The following CRCP variants were observed in gnomAD, a reference collection of about 807,000 sequenced individuals.
CRCP encodes the protein DNA-directed RNA polymerase III subunit RPC9.
Under a neutral mutation model 18.5 loss-of-function variants are expected in CRCP, and 18 were observed. The ratio of observed to expected loss-of-function variants is 0.97; its 90% CI spans 0.67 to 1.44. The LOEUF (loss-of-function observed/expected upper bound fraction) is 1.44. Among genes scored for constraint, CRCP ranks in the 40% most tolerant of loss-of-function variants. The pLI is 0.00. For missense variants in CRCP, 130 were observed against 176.4 expected (o/e 0.74, Z 1.49); for synonymous variants, 53 against 62.9 (o/e 0.84, Z 0.75).
intron 5 of CRCP, among the ~76,000 whole-genome samples, chr7:66,150,419 T>C (rs1007619922): frequency 1.3e-5 from 2 of 151,984 alleles, no homozygotes; most frequent in Middle Eastern, 3.4e-3. Flanking sequence ...AGCCATGGAA[T>C]CTTTAGAAAA....
At chr7:66,148,061 TA>T (rs879398924) in intron 5 of CRCP, among the ~76,000 whole-genome samples, 187 of 141,820 alleles carry the variant, frequency 1.3e-3, no homozygotes, top group Middle Eastern at 3.7e-3. Flanking sequence ...ACCTGTCTTT[TA>T]AAAAAAAAAA....
chr7:66,145,855 C>A (rs542519742), intron 5 of CRCP, among the ~76,000 whole-genome samples: 4 of 152,224 alleles, frequency 2.6e-5, no homozygotes, highest in Non-Finnish European at 5.9e-5. Flanking sequence ...TCTGTCCCCA[C>A]GCCCACCCTT....
chr7:66,135,875 C>A (rs1052412774), intron 4 of CRCP, among the ~76,000 whole-genome samples: 1 of 151,732 alleles, frequency 6.6e-6, no homozygotes, highest in Admixed American at 6.6e-5. Flanking sequence ...GAGCCAAGAT[C>A]GCGCCCTTGC....
At chr7:66,121,086 T>G (rs900160049) in intron 1 of CRCP, among the ~76,000 whole-genome samples, 10 of 151,828 alleles carry the variant, frequency 6.6e-5, no homozygotes, top group Non-Finnish European at 8.8e-5. Context: ...TTCTTCTTTT[T>G]TTTTTGAGAT....
chr7:66,122,886 T>C (rs1040252230), intron 1 of CRCP, among the ~76,000 whole-genome samples: 2 of 152,156 alleles, frequency 1.3e-5, no homozygotes, highest in Admixed American at 1.3e-4. Context: ...CTAGACAGTC[T>C]TTAAAATGCA....
intron 2 of CRCP, among the ~76,000 whole-genome samples, chr7:66,129,325 C>T (rs534742454): frequency 6.6e-6 from 1 of 151,800 alleles, no homozygotes; most frequent in African/African-American, 2.4e-5. Context: ...AGCGAGACTC[C>T]GTCTCAAAAA....
chr7:66,129,613 A>G (rs1448810345), intron 2 of CRCP, among the ~76,000 whole-genome samples: 1 of 134,594 alleles, frequency 7.4e-6, no homozygotes, highest in Non-Finnish European at 1.5e-5. Context: ...AGAGTTGGCC[A>G]TATTCTTTCC....
intron 5 of CRCP, among the ~76,000 whole-genome samples, chr7:66,150,006 CTG>C (rs1490216436): frequency 2.6e-5 from 4 of 152,032 alleles, no homozygotes; most frequent in Non-Finnish European, 5.9e-5. Context: ...CGGGGTTTCA[CTG>C]TGTTAGCCAG....
intron 2 of CRCP, among the ~76,000 whole-genome samples, chr7:66,129,495 C>A (rs574300102): frequency 6.6e-6 from 1 of 151,704 alleles, no homozygotes; most frequent in Admixed American, 6.6e-5. Flanking sequence ...GACCGTGTCC[C>A]CAAAAAAAAG....
At chr7:66,124,404 C>G (rs565143115) in intron 1 of CRCP, among the ~76,000 whole-genome samples, 3 of 152,224 alleles carry the variant, frequency 2.0e-5, no homozygotes, top group African/African-American at 4.8e-5. Flanking sequence ...TACCTGTATA[C>G]GCGTTACCTA....
intron 4 of CRCP, 162 bp downstream of exon 4, chr7:66,134,536 G>T: frequency 7.1e-6 from 3 of 425,144 alleles, no homozygotes; most frequent in Non-Finnish European, 7.9e-6. Flanking sequence ...ACTAGAGTAA[G>T]GAACAAATCT....
chr7:66,118,878 G>A (rs1197274445), intron 1 of CRCP, among the ~76,000 whole-genome samples: 1 of 152,208 alleles, frequency 6.6e-6, no homozygotes, highest in Non-Finnish European at 1.5e-5. Flanking sequence ...AGCAGTAAAG[G>A]TGAAAGACAG....
Position 66,140,036 on chromosome 7 carries a change from A to G in CRCP, c.240-5407A>G, listed in dbSNP as rs529215609. 3.3e-5 allele frequency among the ~76,000 whole-genome samples: 5 copies of G among 152,326 alleles called. No homozygotes were observed. In the South Asian group the frequency reaches 1.0e-3, roughly 32 times the overall value. The stretch of plus-strand genomic sequence containing the variant: ...GAAAGTAGAAAAGGGAAAAGGGAAA[A>G]ATGACTCTTGGGCACTCTGGACAGC... On this transcript the variant is annotated intron_variant, in intron 4 of 5. Coordinates refer to ENST00000395326, the MANE Select transcript of CRCP (RefSeq NM_014478.5).
chr7:66,120,369 C>A (rs1416021090), intron 1 of CRCP, among the ~76,000 whole-genome samples: 4 of 152,078 alleles, frequency 2.6e-5, no homozygotes, highest in Admixed American at 2.0e-4. Context: ...GTTTGAATCA[C>A]GGGGTTTTGT....
chr7:66,131,082 C>G (rs2115935103), intron 3 of CRCP, among the ~76,000 whole-genome samples: 1 of 152,278 alleles, frequency 6.6e-6, no homozygotes, highest in Non-Finnish European at 1.5e-5. Context: ...TCATGCCATT[C>G]TTCTGCCTCA....
intron 5 of CRCP, among the ~76,000 whole-genome samples, chr7:66,147,455 C>T (rs1431630984): frequency 1.3e-5 from 2 of 152,032 alleles, no homozygotes; most frequent in African/African-American, 4.8e-5. Flanking sequence ...TGGAAGGGGG[C>T]AAGTGTCCTC....
intron 4 of CRCP, among the ~76,000 whole-genome samples, chr7:66,142,973 C>T (rs1232630142): frequency 1.6e-4 from 25 of 152,174 alleles, no homozygotes; most frequent in Admixed American, 1.6e-3. Flanking sequence ...CACTTTTTGA[C>T]AGAAGCCTCT....
intron 3 of CRCP, 128 bp downstream of exon 3, chr7:66,130,970 TTTTGTTTG>T (rs200807145): frequency 1.6e-6 from 1 of 626,534 alleles, no homozygotes. Flanking sequence ...CTAACCTGAT[TTTTGTTTG>T]TTTGTTTGTT....
intron 2 of CRCP, 38 bp from the exon 3 acceptor site, chr7:66,130,706 A>C (rs757110350): frequency 7.8e-7 from 1 of 1,281,282 alleles, no homozygotes; most frequent in East Asian, 2.3e-5. Context: ...ATATTTCTCA[A>C]ATTTATTCAT....
Sources: gnomAD v4.1 joint callset for allele counts (sites outside exome capture counted in the v4.1 genomes callset) on GRCh38, gnomAD v4.1.1 for gene constraint, MANE v1.5 for transcripts, NCBI Gene and HGNC (gene_info 2026-07-23, HGNC 2026-07-21) for gene names.